ARSB: variants seen among roughly 807,000 people sequenced by gnomAD.
The protein encoded by ARSB is arylsulfatase B.
ARSB carries 41 observed loss-of-function variants against 50.9 expected under a neutral mutation model. The ratio of observed to expected loss-of-function variants is 0.81; its 90% CI spans 0.63 to 1.04. ARSB has a LOEUF of 1.04. Ranked by LOEUF, ARSB falls within the 50% of genes least tolerant of loss-of-function variation. ARSB has a pLI of 0.00. For synonymous variants in ARSB, 269 were observed against 284.8 expected, an observed-to-expected ratio of 0.94 and a Z score of 0.56; for missense variants, 672 against 693.3, an observed-to-expected ratio of 0.97 and a Z score of 0.35.
At chr5:78,972,543 A>ACACACACACACACACACACCCC (rs1361695118) in intron 1 of ARSB, among the ~76,000 whole-genome samples, 1 of 150,302 alleles carries the variant, frequency 6.7e-6, no homozygotes, top group African/African-American at 2.5e-5. Context: ...ACACACACAC[A>ACACACACACACACACACACCCC]CCCCAAATCA....
At position 78,777,877 on chromosome 5, in the gene ARSB, A is replaced by G. The variant is rs1246126518; in HGVS notation, c.*2520T>C. 6.7e-6 allele frequency: 1 copy of G among 149,758 alleles called. No homozygotes were observed. Among genetic ancestry groups the G allele is most frequent in the Non-Finnish European group, 1.5e-5 (1 of 67,626 alleles). The allele number at this position is 149,758 out of a possible 1,614,324, so 9.3% of individuals were successfully genotyped here. On this transcript the variant is annotated 3_prime_UTR_variant, in exon 8 of 8. Transcript: ENST00000264914. The stretch of plus-strand genomic sequence containing the variant: ...AAAAAAAAAAAAAAAAAAAATTGGA[A>G]AGAAATAACATTATTTCTAACAACA...
chr5:78,905,237 T>A (rs1470378558), intron 4 of ARSB, among the ~76,000 whole-genome samples: 1 of 152,180 alleles, frequency 6.6e-6, no homozygotes, highest in East Asian at 1.9e-4. Flanking sequence ...TGCATTAAAG[T>A]TTTTGTCTGA....
At chr5:78,930,273 T>A (rs76954209) in intron 4 of ARSB, among the ~76,000 whole-genome samples, 6,069 of 152,306 alleles carry the variant, frequency 0.04, 172 homozygotes, top group Non-Finnish European at 0.062. Context: ...TGTATCTGAA[T>A]AGTTCACCAG....
At chr5:78,983,488 C>T (rs960631889) in intron 1 of ARSB, among the ~76,000 whole-genome samples, 15 of 152,188 alleles carry the variant, frequency 9.9e-5, no homozygotes, top group African/African-American at 3.4e-4. Flanking sequence ...AAATGCAGAA[C>T]CCTTTGGGCA....
At chr5:78,929,356 G>C (rs1015423082) in intron 4 of ARSB, among the ~76,000 whole-genome samples, 1 of 152,038 alleles carries the variant, frequency 6.6e-6, no homozygotes, top group Admixed American at 6.6e-5. Flanking sequence ...TCTTTACAGG[G>C]GATGGATCAT....
chr5:78,894,708 T>C (rs151297086), intron 4 of ARSB, among the ~76,000 whole-genome samples: 2 of 152,368 alleles, frequency 1.3e-5, no homozygotes, highest in Non-Finnish European at 2.9e-5. Context: ...ATTTCAAATA[T>C]TGAATGCATA....
At chr5:78,872,574 C>T (rs905599470) in intron 5 of ARSB, among the ~76,000 whole-genome samples, 5 of 139,320 alleles carry the variant, frequency 3.6e-5, no homozygotes, top group African/African-American at 1.3e-4. Context: ...GAACAAAAAA[C>T]CAAACACCGC....
Position 78,781,848 on chromosome 5 carries a change from C to A in ARSB, c.1336+4G>T, listed in dbSNP as rs762225092. 3.7e-6 allele frequency: 6 copies of A among 1,613,954 alleles called. No homozygotes were observed. In the Admixed American group the frequency reaches 1.0e-4, roughly 27 times the overall value. On this transcript the variant is annotated splice_donor_region_variant and intron_variant, in intron 7 of 7. Transcript: ENST00000264914. ...AGGGAAGTTTGCTAAGCTAAGGACT[C>A]TACCTGGGTAGCCCGTGAGGAGTTT...
At chr5:78,952,465 T>C (rs1408546542) in intron 4 of ARSB, among the ~76,000 whole-genome samples, 1 of 152,126 alleles carries the variant, frequency 6.6e-6, no homozygotes, top group Admixed American at 6.6e-5. Flanking sequence ...GCCCCTCCAG[T>C]AGCTTGGACT....
intron 6 of ARSB, among the ~76,000 whole-genome samples, chr5:78,803,729 T>C (rs1341652105): frequency 6.6e-6 from 1 of 152,268 alleles, no homozygotes; most frequent in African/African-American, 2.4e-5. Context: ...CTACAAATGA[T>C]GCAAGTGCTA....
At chr5:78,849,842 T>G (rs1292326077) in intron 5 of ARSB, among the ~76,000 whole-genome samples, 2 of 149,524 alleles carry the variant, frequency 1.3e-5, no homozygotes, top group Non-Finnish European at 3.0e-5. Flanking sequence ...GGGAGTTCAC[T>G]CATGATTTGG....
At chr5:78,948,794 A>G (rs1025920245) in intron 4 of ARSB, among the ~76,000 whole-genome samples, 3 of 152,202 alleles carry the variant, frequency 2.0e-5, no homozygotes, top group African/African-American at 7.2e-5. Flanking sequence ...TTAAATAACC[A>G]CATACATTCC....
At chr5:78,841,283 T>C (rs1383902178) in intron 5 of ARSB, among the ~76,000 whole-genome samples, 13 of 152,048 alleles carry the variant, frequency 8.5e-5, no homozygotes, top group Non-Finnish European at 1.3e-4. Context: ...TGAGCTATGA[T>C]CACACCACTG....
At chr5:78,851,811 G>A (rs1362156683) in intron 5 of ARSB, among the ~76,000 whole-genome samples, 1 of 152,096 alleles carries the variant, frequency 6.6e-6, no homozygotes, top group African/African-American at 2.4e-5. Flanking sequence ...TTACCATTAT[G>A]TAATGGCCTT....
chr5:78,872,140 G>A (rs1327076029), intron 5 of ARSB, among the ~76,000 whole-genome samples: 6 of 147,564 alleles, frequency 4.1e-5, no homozygotes, highest in Non-Finnish European at 6.0e-5. Context: ...CAGTTAGAAC[G>A]GTAATCATTA....
At chr5:78,811,136 G>C (rs1382938931) in intron 6 of ARSB, among the ~76,000 whole-genome samples, 1 of 152,206 alleles carries the variant, frequency 6.6e-6, no homozygotes, top group Admixed American at 6.5e-5. Context: ...CTATCATCAT[G>C]TTAGGTTTCA....
intron 4 of ARSB, among the ~76,000 whole-genome samples, chr5:78,953,300 T>C (rs1751564120): frequency 6.6e-6 from 1 of 152,226 alleles, no homozygotes; most frequent in South Asian, 2.1e-4. Flanking sequence ...ACTGAGATCA[T>C]CATCTGGGAG....
intron 6 of ARSB, 47 bp from the exon 7 acceptor site, chr5:78,782,021 T>C (rs1442957372): frequency 6.2e-7 from 1 of 1,613,204 alleles, no homozygotes; most frequent in South Asian, 1.1e-5. Context: ...TATTGGAACG[T>C]GTTGTTATAA....
intron 5 of ARSB, among the ~76,000 whole-genome samples, chr5:78,843,297 T>C (rs926295512): frequency 1.3e-5 from 2 of 152,216 alleles, no homozygotes; most frequent in African/African-American, 4.8e-5. Context: ...AGAACCACAC[T>C]TGAGGTATCA....
Sources: gnomAD v4.1 joint callset for allele counts (sites outside exome capture counted in the v4.1 genomes callset) on GRCh38, gnomAD v4.1.1 for gene constraint, MANE v1.5 for transcripts, NCBI Gene and HGNC (gene_info 2026-07-23, HGNC 2026-07-21) for gene names.